The following COL21A1 variants were observed in gnomAD, a reference collection of about 807,000 sequenced individuals.
COL21A1 encodes collagen alpha-1(XXI) chain.
A neutral mutation model predicts 137.9 loss-of-function variants in COL21A1; 149 were observed. The ratio of observed to expected loss-of-function variants is 1.08; its 90% confidence interval spans 0.95 to 1.24. The LOEUF (loss-of-function observed/expected upper bound fraction) is 1.24. Ranked by LOEUF, COL21A1 falls within the 50% of genes most tolerant of loss-of-function variation. The pLI, the probability that COL21A1 is intolerant of heterozygous loss-of-function variation, is 0.00. For synonymous variants in COL21A1, 456 were observed against 391.5 expected (o/e 1.16, Z -1.95); for missense variants, 1,167 against 1,158.4 (o/e 1.01, Z -0.11).
chr6:56,388,824 C>T (rs148386227), intron 1 of COL21A1, among the ~76,000 whole-genome samples: 1 of 152,272 alleles, frequency 6.6e-6, no homozygotes, highest in Non-Finnish European at 1.5e-5. Flanking sequence ...GAGTAATAGA[C>T]TATGTGACCT....
rs73745444 is a variant in COL21A1 at position 56,294,249 on chromosome 6, G to A, written c.-39+99722C>T. 2.7e-4 allele frequency among the ~76,000 whole-genome samples: 41 copies of A among 152,142 alleles called. 2 individuals are homozygous for A. The highest frequency in any genetic ancestry group is 9.9e-4 in the African/African-American group (41 of 41,542). ...TTTGTGAATTTATTGCATTGTGTGAGGGCTTAACTTTGCCATTTTCAGTCA... is the reference window on the plus strand; with the variant it reads ...TTTGTGAATTTATTGCATTGTGTGAAGGCTTAACTTTGCCATTTTCAGTCA... On this transcript the variant is annotated intron_variant, in intron 1 of 28. Transcript: ENST00000370819.
chr6:56,057,743 G>C lies in COL21A1; in HGVS notation c.2788C>G (p.Pro930Ala), dbSNP rs201992128. 2.8e-4 allele frequency: 457 copies of C among 1,612,498 alleles called. 1 individual carries two copies. The African/African-American group carries it at 5.5e-3, about 19-fold the overall frequency. Residue 930 changes from proline (P) to alanine (A), a missense_variant, in exon 30 of 30, where the codon CCA becomes GCA. By Grantham distance (27) the Pro-to-Ala change is conservative. Coordinates refer to ENST00000244728, the MANE Select transcript of COL21A1 (RefSeq NM_030820.4). ...GGGTCGCAGATGCCTGGGGGGCCTG[G>C]TTGCCCTTGGATTCCAGGTTTTCCA... is the stretch of plus-strand genomic sequence containing the variant. ...DHGKPGIQGQ[P>A]GPPGICDPSL... is the part of the protein sequence containing the mutation.
chr6:56,178,330 T>C (rs1777643095), intron 3 of COL21A1, among the ~76,000 whole-genome samples: 1 of 152,140 alleles, frequency 6.6e-6, no homozygotes, highest in Non-Finnish European at 1.5e-5. Flanking sequence ...TAGAGATTCA[T>C]AAAAAGAAGA....
Position 56,150,558 on chromosome 6 carries a change from AC to A in COL21A1, c.1434+6328del, listed in dbSNP as rs777050328. Among the ~76,000 whole-genome samples, 561 of 147,788 alleles carry A rather than the reference AC, an allele frequency of 3.8e-3. 12 individuals carry two copies. The highest frequency in any genetic ancestry group is 8.5e-3 in the African/African-American group (324 of 38,322). ...CACACACACACACACACACACACAC[AC>A]ACACACAAGAGTGGGGGGAACTGAA... On this transcript the variant is annotated intron_variant, in intron 10 of 29. Coordinates refer to ENST00000244728, the MANE Select transcript of COL21A1 (RefSeq NM_030820.4).
rs140271184 is a variant in COL21A1 at position 56,381,430 on chromosome 6, G to A, written c.-39+12541C>T. Among the ~76,000 whole-genome samples, 15 of 152,304 alleles carry A rather than the reference G, an allele frequency of 9.8e-5. No individual in the cohort carries two copies. In the East Asian group the frequency reaches 2.7e-3, roughly 27 times the overall value. ...CAAATAAAACCCACCTGGTAGAGAG[G>A]CAAAGAGAGATTATATGACTGTTAC... is the stretch of plus-strand genomic sequence containing the variant. On this transcript the variant is annotated intron_variant, in intron 1 of 28. Transcript: ENST00000370819.
Position 56,060,697 on chromosome 6 carries a change from T to C in COL21A1, c.2407+44A>G, listed in dbSNP as rs376996642. Reference sequence around the variant, plus strand: ...ATGTCCTAAGAATTTGTATTACTTTTGTAATTTGAGAAAAGTTATTAAAAT... The same window carrying C: ...ATGTCCTAAGAATTTGTATTACTTTCGTAATTTGAGAAAAGTTATTAAAAT... On this transcript the variant is annotated intron_variant, in intron 27 of 29. Coordinates refer to ENST00000244728, the MANE Select transcript of COL21A1 (RefSeq NM_030820.4). 172 of 1,497,030 alleles carry C rather than the reference T, an allele frequency of 1.1e-4. 1 individual carries two copies. The African/African-American group carries it at 2.0e-3, about 17-fold the overall frequency. 92.7% of individuals were successfully genotyped at this position (1,497,030 alleles called of 1,614,324 possible).
chr6:56,182,448 T>TA (rs1268428246), intron 2 of COL21A1, 83 bp downstream of exon 2: 1 of 881,458 alleles, frequency 1.1e-6, no homozygotes, highest in Non-Finnish European at 1.8e-6. Context: ...ATGAGATCCT[T>TA]AAAACCATTA....
chr6:56,210,611 C>T (rs1213224565), intron 1 of COL21A1, among the ~76,000 whole-genome samples: 1 of 152,086 alleles, frequency 6.6e-6, no homozygotes, highest in Non-Finnish European at 1.5e-5. Flanking sequence ...TCTACCTTAA[C>T]ATCATTAAAG....
At chr6:56,188,383 T>C (rs1778434865) in intron 1 of COL21A1, among the ~76,000 whole-genome samples, 1 of 152,184 alleles carries the variant, frequency 6.6e-6, no homozygotes, top group Non-Finnish European at 1.5e-5. Context: ...CCAAATGCTA[T>C]CAACAGGACA....
rs1250736439 is a variant in COL21A1, at chr6:56,180,744, T to C, written c.89-615A>G. 2.0e-5 allele frequency among the ~76,000 whole-genome samples: 3 copies of C among 152,220 alleles called. No homozygotes were observed. In the East Asian group the frequency reaches 5.8e-4, roughly 29 times the overall value. On this transcript the variant is annotated intron_variant, in intron 2 of 29. Transcript: ENST00000244728. ...TGCTAAATGTAAAACAAAGCATGAA[T>C]ATAAAATTATCTCATTATCATACAG...
chr6:56,320,216 C>T (rs183819057), intron 1 of COL21A1, among the ~76,000 whole-genome samples: 1 of 152,098 alleles, frequency 6.6e-6, no homozygotes, highest in Non-Finnish European at 1.5e-5. Flanking sequence ...CCTTTCTTCC[C>T]CTAATACCCT....
chr6:56,202,495 A>C (rs1779476138), intron 1 of COL21A1, among the ~76,000 whole-genome samples: 1 of 152,092 alleles, frequency 6.6e-6, no homozygotes, highest in African/African-American at 2.4e-5. Flanking sequence ...GACCCTCAAT[A>C]AATGTTGGTT....
intron 16 of COL21A1, among the ~76,000 whole-genome samples, chr6:56,105,367 T>C (rs1289327702): frequency 6.6e-6 from 1 of 152,206 alleles, no homozygotes; most frequent in Non-Finnish European, 1.5e-5. Flanking sequence ...CACCAAAAAG[T>C]TGAGGTTTTA....
intron 1 of COL21A1, among the ~76,000 whole-genome samples, chr6:56,359,116 T>A (rs1765905938): frequency 6.6e-6 from 1 of 152,230 alleles, no homozygotes; most frequent in South Asian, 2.1e-4. Flanking sequence ...CTAAAAGTTA[T>A]CATAAAATAC....
intron 16 of COL21A1, among the ~76,000 whole-genome samples, chr6:56,116,396 T>TA (rs370697652): frequency 0.19 from 16,909 of 90,550 alleles, 2,413 homozygotes; most frequent in Non-Finnish European, 0.24. Flanking sequence ...GTGCCAAAGG[T>TA]AAAAAAAAAA....
chr6:56,068,306 G>A (rs1193310631), intron 22 of COL21A1, among the ~76,000 whole-genome samples: 3 of 151,572 alleles, frequency 2.0e-5, no homozygotes, highest in Non-Finnish European at 3.0e-5. Flanking sequence ...ATAAGAGTTT[G>A]TGTCTTTTCC....
chr6:56,284,834 C>A (rs988261501), intron 1 of COL21A1, among the ~76,000 whole-genome samples: 1 of 152,160 alleles, frequency 6.6e-6, no homozygotes, highest in South Asian at 2.1e-4. Flanking sequence ...TACCTTTCTC[C>A]AAAATGTGCT....
intron 1 of COL21A1, among the ~76,000 whole-genome samples, chr6:56,298,572 G>A (rs1250134920): frequency 6.6e-6 from 1 of 152,006 alleles, no homozygotes; most frequent in Non-Finnish European, 1.5e-5. Context: ...GAGTGAAAAG[G>A]ACACCACCCC....
At position 56,067,002 on chromosome 6, in the gene COL21A1, G is replaced by GTA. The variant is rs67577800; in HGVS notation, c.2127+291_2127+292dup. On this transcript the variant is annotated intron_variant, in intron 23 of 29. Transcript: ENST00000244728. Reference sequence around the variant, plus strand: ...ATGTGTGTGTGTGTGTGTGTATGTGGTATATATATATATGTATATATGTAT... The same window carrying GTA: ...ATGTGTGTGTGTGTGTGTGTATGTGGTATATATATATATATGTATATATGTAT... Among the ~76,000 whole-genome samples the GTA allele has an allele frequency of 1.7e-3, 253 of 147,790 alleles. 1 individual carries two copies. Among genetic ancestry groups the GTA allele is most frequent in the African/African-American group, 4.9e-3 (200 of 40,448 alleles).
Sources: allele counts gnomAD v4.1 joint callset (sites outside exome capture counted in the v4.1 genomes callset), GRCh38; gene constraint gnomAD v4.1.1; transcripts MANE v1.5; gene names NCBI Gene and HGNC (gene_info 2026-07-23, HGNC 2026-07-21).